ABCA13: variants seen among roughly 807,000 people sequenced by gnomAD.
ABCA13 encodes ATP binding cassette subfamily A member 13.
Under a neutral mutation model 478.7 loss-of-function variants are expected in ABCA13, and 476 were observed. That is an observed-to-expected ratio of 0.99 (90% confidence interval 0.92 to 1.07). The LOEUF is 1.07. ABCA13 is among the 50% of genes least tolerant of loss of function. The pLI is 0.00. For synonymous variants in ABCA13, 2,252 were observed against 2,158.9 expected, an observed-to-expected ratio of 1.04 and a Z score of -1.20; for missense variants, 6,060 against 5,910.6, an observed-to-expected ratio of 1.03 and a Z score of -0.83.
intron 58 of ABCA13, chr7:48,612,145 T>C (rs955314457): frequency 5.3e-5 from 8 of 152,168 alleles, no homozygotes; most frequent in African/African-American, 1.9e-4. Context: ...TGATGTTGAC[T>C]CATCAGCACC....
intron 57 of ABCA13, among the ~76,000 whole-genome samples, chr7:48,590,130 A>G (rs1789571227): frequency 6.6e-6 from 1 of 152,060 alleles, no homozygotes; most frequent in African/African-American, 2.4e-5. Context: ...TATGTGTTCA[A>G]CTTTTTAATA....
intron 55 of ABCA13, among the ~76,000 whole-genome samples, chr7:48,565,154 AATT>A (rs1236393811): frequency 1.3e-5 from 2 of 151,652 alleles, no homozygotes; most frequent in African/African-American, 4.9e-5. Context: ...TCCTCCAATA[AATT>A]ATTAAGTGGG....
chr7:48,586,499 G>A (rs935144345), intron 56 of ABCA13, among the ~76,000 whole-genome samples: 7 of 152,242 alleles, frequency 4.6e-5, no homozygotes, highest in African/African-American at 1.4e-4. Flanking sequence ...AATACCGTGT[G>A]TTCTCGTTTA....
intron 51 of ABCA13, among the ~76,000 whole-genome samples, chr7:48,515,752 C>CT (rs1441131264): frequency 3.3e-5 from 5 of 152,134 alleles, no homozygotes; most frequent in African/African-American, 1.2e-4. Flanking sequence ...GCAGTGGATG[C>CT]TGGAAGGAGG....
intron 51 of ABCA13, among the ~76,000 whole-genome samples, chr7:48,514,471 G>A (rs1480919376): frequency 1.3e-5 from 2 of 152,168 alleles, no homozygotes; most frequent in African/African-American, 4.8e-5. Context: ...TATAGAGTTT[G>A]AATCAGTAGC....
At chr7:48,568,980 T>A (rs927319297) in intron 55 of ABCA13, among the ~76,000 whole-genome samples, 3 of 151,974 alleles carry the variant, frequency 2.0e-5, no homozygotes, top group Non-Finnish European at 4.4e-5. Context: ...AATATTTTAT[T>A]TCTTATTTTA....
At chr7:48,619,299 AC>A (rs945965671) in intron 59 of ABCA13, among the ~76,000 whole-genome samples, 5 of 151,932 alleles carry the variant, frequency 3.3e-5, no homozygotes, top group African/African-American at 1.2e-4. Context: ...ACCGGTCTGT[AC>A]CAATCATCCA....
intron 3 of ABCA13, among the ~76,000 whole-genome samples, chr7:48,216,108 T>A (rs1786433562): frequency 6.6e-6 from 1 of 152,208 alleles, no homozygotes; most frequent in African/African-American, 2.4e-5. Context: ...TGTTTTTGTT[T>A]CTCTTGAGTA....
At chr7:48,562,107 G>GT (rs1786522679) in intron 55 of ABCA13, among the ~76,000 whole-genome samples, 1 of 136,622 alleles carries the variant, frequency 7.3e-6, no homozygotes, top group African/African-American at 3.1e-5. Context: ...ATATGTATGG[G>GT]GGGGGAGGTG....
At chr7:48,381,879 T>C (rs1273739428) in intron 35 of ABCA13, among the ~76,000 whole-genome samples, 1 of 152,194 alleles carries the variant, frequency 6.6e-6, no homozygotes, top group Admixed American at 6.5e-5. Context: ...AGTGTGCACG[T>C]AAAACAAATT....
intron 20 of ABCA13, among the ~76,000 whole-genome samples, chr7:48,293,126 G>T (rs1040880051): frequency 2.0e-5 from 3 of 151,770 alleles, no homozygotes; most frequent in African/African-American, 7.3e-5. Context: ...TGGTTGAGGC[G>T]GTGGTGACAG....
intron 43 of ABCA13, among the ~76,000 whole-genome samples, chr7:48,460,860 A>G (rs10227179): frequency 0.19 from 28,507 of 152,114 alleles, 3,064 homozygotes; most frequent in African/African-American, 0.29. Context: ...TCTCAAAAAC[A>G]TCCACCAGGT....
rs1165649892 is a variant in ABCA13 at position 48,594,794 on chromosome 7, G to T, written c.14725G>T (p.Ala4909Ser). The T allele has an allele frequency of 1.2e-6, 2 of 1,613,808 alleles. No individual in the cohort carries two copies. Among genetic ancestry groups the T allele is most frequent in the Admixed American group, 3.3e-5 (2 of 60,006 alleles). The change falls in exon 58 of 62, where the codon GCG (alanine) becomes TCG (serine). Residue 4909 changes from alanine to serine, a missense_variant. Physicochemically the swap from Ala to Ser is moderately conservative, Grantham distance 99. Around this residue, in one of 3 missense-constraint regions of ABCA13, gnomAD observed 1,627 missense variants for 1,571.0 expected, o/e 1.04. Coordinates refer to ENST00000435803, the MANE Select transcript of ABCA13 (RefSeq NM_152701.5). ...IMKEVREGCA[A>S]VLTSHSMEEC... ...GAAGGAGGTTCGGGAAGGCTGTGCT[G>T]CGGTGCTGACCTCCCACAGGTGAGT...
At chr7:48,267,430 C>A (rs1184883548) in intron 15 of ABCA13, among the ~76,000 whole-genome samples, 1 of 152,002 alleles carries the variant, frequency 6.6e-6, no homozygotes, top group Non-Finnish European at 1.5e-5. Context: ...CATCTGAAAC[C>A]TACTTTGTCT....
At chr7:48,588,387 G>T (rs371437877) in intron 57 of ABCA13, among the ~76,000 whole-genome samples, 2 of 152,178 alleles carry the variant, frequency 1.3e-5, no homozygotes, top group South Asian at 4.1e-4. Flanking sequence ...ATTTCCCTTT[G>T]CCCAGCCTCT....
chr7:48,388,020 TTTTG>T, intron 36 of ABCA13, 61 bp downstream of exon 36: 1 of 1,547,664 alleles, frequency 6.5e-7, no homozygotes, highest in Non-Finnish European at 8.7e-7. Context: ...TTTGATTTTT[TTTTG>T]TTTGTTTTTA....
intron 26 of ABCA13, among the ~76,000 whole-genome samples, chr7:48,315,212 C>T (rs1450813183): frequency 6.6e-6 from 1 of 152,130 alleles, no homozygotes; most frequent in African/African-American, 2.4e-5. Flanking sequence ...TAAATGTATC[C>T]TAGTGTATTC....
At chr7:48,467,679 C>T (rs988886134) in intron 44 of ABCA13, among the ~76,000 whole-genome samples, 4 of 152,064 alleles carry the variant, frequency 2.6e-5, no homozygotes, top group East Asian at 1.9e-4. Flanking sequence ...GAATATGGCC[C>T]TGGTCTCAAG....
chr7:48,589,169 T>C (rs1222660532), intron 57 of ABCA13, among the ~76,000 whole-genome samples: 3 of 152,212 alleles, frequency 2.0e-5, no homozygotes, highest in Non-Finnish European at 4.4e-5. Context: ...AAGTGGTTCA[T>C]ATAAGGAATA....
Sources: allele counts gnomAD v4.1 joint callset (sites outside exome capture counted in the v4.1 genomes callset), GRCh38; gene constraint gnomAD v4.1.1; regional missense constraint gnomAD v4.1.1; transcripts MANE v1.5; gene names NCBI Gene and HGNC (gene_info 2026-07-23, HGNC 2026-07-21).